The following SLC30A8 variants were observed in gnomAD, a reference collection of about 807,000 sequenced individuals.
SLC30A8 encodes solute carrier family 30 member 8, also known as proton-coupled zinc antiporter SLC30A8.
SLC30A8 carries 27 observed loss-of-function variants against 36.9 expected under a neutral mutation model. The observed-to-expected ratio is 0.73, with a 90% CI of 0.54 to 1.01. SLC30A8 has a LOEUF of 1.01. Among genes scored for constraint, SLC30A8 ranks in the 50% least tolerant of loss-of-function variants. SLC30A8 has a pLI of 0.00. For synonymous variants in SLC30A8, 164 were observed against 172.4 expected (o/e 0.95, Z 0.38); for missense variants, 439 against 452.0 (o/e 0.97, Z 0.26).
intron 1 of SLC30A8, among the ~76,000 whole-genome samples, chr8:116,995,791 A>G (rs1815794562): frequency 6.6e-6 from 1 of 152,084 alleles, no homozygotes; most frequent in Non-Finnish European, 1.5e-5. Flanking sequence ...AAAAGCAGAT[A>G]AGCTGTAAGT....
At chr8:116,981,280 C>T (rs1815250625) in intron 1 of SLC30A8, among the ~76,000 whole-genome samples, 1 of 152,180 alleles carries the variant, frequency 6.6e-6, no homozygotes, top group South Asian at 2.1e-4. Context: ...CAGGTGGAAG[C>T]TACATGACTT....
At chr8:117,137,006 C>T (rs1247163994) in intron 1 of SLC30A8, among the ~76,000 whole-genome samples, 1 of 151,982 alleles carries the variant, frequency 6.6e-6, no homozygotes, top group Non-Finnish European at 1.5e-5. Context: ...AGAACAAATG[C>T]CTTTCTTGAG....
intron 6 of SLC30A8, among the ~76,000 whole-genome samples, chr8:117,165,681 G>A (rs1823021069): frequency 6.6e-6 from 1 of 152,186 alleles, no homozygotes; most frequent in African/African-American, 2.4e-5. Context: ...TAAATAACCA[G>A]AGGAGATTTG....
chr8:117,019,428 A>G (rs934133120), intron 1 of SLC30A8, among the ~76,000 whole-genome samples: 2 of 152,204 alleles, frequency 1.3e-5, no homozygotes, highest in African/African-American at 4.8e-5. Flanking sequence ...AATTTCACAC[A>G]TTGATTCTAC....
intron 2 of SLC30A8, among the ~76,000 whole-genome samples, chr8:117,090,438 A>G (rs1819067445): frequency 6.6e-6 from 1 of 152,198 alleles, no homozygotes; most frequent in Non-Finnish European, 1.5e-5. Context: ...TGGGTAACAT[A>G]AACAAAAGAA....
chr8:117,027,081 G>A (rs905106463), intron 1 of SLC30A8, among the ~76,000 whole-genome samples: 40 of 152,170 alleles, frequency 2.6e-4, no homozygotes, highest in African/African-American at 9.2e-4. Flanking sequence ...CACTCATAGT[G>A]GTTACTGAGA....
chr8:117,048,111 T>A (rs1457247860), intron 2 of SLC30A8, among the ~76,000 whole-genome samples: 2 of 152,242 alleles, frequency 1.3e-5, no homozygotes, highest in African/African-American at 4.8e-5. Flanking sequence ...TTCCTATATT[T>A]GGTTTCACTT....
At chr8:117,144,673 G>A (rs1821816892) in intron 1 of SLC30A8, among the ~76,000 whole-genome samples, 4 of 152,094 alleles carry the variant, frequency 2.6e-5, no homozygotes, top group Admixed American at 2.6e-4. Flanking sequence ...TATAAATGGA[G>A]AAAATATTAA....
chr8:117,158,173 A>G (rs887398385), intron 4 of SLC30A8, among the ~76,000 whole-genome samples: 1 of 152,186 alleles, frequency 6.6e-6, no homozygotes, highest in African/African-American at 2.4e-5. Flanking sequence ...GGTTAAATAC[A>G]CTGCCAGTTA....
intron 1 of SLC30A8, among the ~76,000 whole-genome samples, chr8:116,988,588 T>C (rs1393725515): frequency 6.6e-6 from 1 of 152,230 alleles, no homozygotes. Flanking sequence ...TTTGCCTTTA[T>C]ATTAATCCTT....
Position 117,152,876 on chromosome 8 carries a change from G to A in SLC30A8, c.272-68G>A, listed in dbSNP as rs1484092868. The A allele has an allele frequency of 6.2e-6, 8 of 1,288,922 alleles. No individual in the cohort carries two copies. The Admixed American group carries it at 1.7e-4, about 27-fold the overall frequency. The allele number at this position is 1,288,922 out of a possible 1,614,324, so 79.8% of individuals were successfully genotyped here. A position where few individuals can be genotyped will look rare whatever the true frequency, so the allele number is the denominator to read the frequency against. On this transcript the variant is annotated intron_variant, in intron 2 of 7. Coordinates refer to ENST00000456015, the MANE Select transcript of SLC30A8 (RefSeq NM_173851.3). ...GTCTGTGGCATTTTCACCCATGATG[G>A]TTAGCATGTCTGTGAATCTAGCTGC...
At chr8:116,956,713 A>G (rs1453556464) in intron 1 of SLC30A8, among the ~76,000 whole-genome samples, 1 of 152,230 alleles carries the variant, frequency 6.6e-6, no homozygotes, top group Non-Finnish European at 1.5e-5. Context: ...AAATCAATGA[A>G]ATGCCAACTT....
At position 117,173,132 on chromosome 8, in the gene SLC30A8, CTCTG is replaced by C. The variant is rs1823479323; in HGVS notation, c.*453_*456del. 1.2e-5 allele frequency: 2 copies of C among 161,586 alleles called. No homozygotes were observed. The highest frequency in any genetic ancestry group is 1.8e-4 in the East Asian group (1 of 5,432). 10.0% of individuals were successfully genotyped at this position (161,586 alleles called of 1,614,324 possible). ...AGAGCCAAGTCAGGAATAAAAGTGA[CTCTG>C]TATGCTAACGCCACATTAGAACTTG... is the stretch of plus-strand genomic sequence containing the variant. On this transcript the variant is annotated 3_prime_UTR_variant, in exon 8 of 8. Coordinates refer to ENST00000456015, the MANE Select transcript of SLC30A8 (RefSeq NM_173851.3).
intron 2 of SLC30A8, among the ~76,000 whole-genome samples, chr8:117,120,266 G>A (rs1820636086): frequency 6.6e-6 from 1 of 151,926 alleles, no homozygotes; most frequent in African/African-American, 2.4e-5. Flanking sequence ...CATAAAGACA[G>A]ATATACAGAC....
At chr8:117,092,900 G>T (rs898273972) in intron 2 of SLC30A8, among the ~76,000 whole-genome samples, 1 of 152,176 alleles carries the variant, frequency 6.6e-6, no homozygotes, top group African/African-American at 2.4e-5. Flanking sequence ...TTCACAGGCT[G>T]CATGACTTAT....
intron 1 of SLC30A8, among the ~76,000 whole-genome samples, chr8:116,972,438 T>C (rs1814823260): frequency 6.6e-6 from 1 of 152,188 alleles, no homozygotes; most frequent in Non-Finnish European, 1.5e-5. Flanking sequence ...GACTGCTGTT[T>C]TTGACTTGGG....
intron 1 of SLC30A8, among the ~76,000 whole-genome samples, chr8:117,015,209 C>T (rs1033882817): frequency 1.3e-5 from 2 of 151,968 alleles, no homozygotes; most frequent in Admixed American, 1.3e-4. Context: ...ATCTGACTTT[C>T]TTTATATGTT....
intron 6 of SLC30A8, among the ~76,000 whole-genome samples, chr8:117,164,631 A>G (rs1425628748): frequency 6.6e-6 from 1 of 152,128 alleles, no homozygotes; most frequent in African/African-American, 2.4e-5. Context: ...CTTTAATAAG[A>G]GGAGAAAGAG....
intron 1 of SLC30A8, among the ~76,000 whole-genome samples, chr8:116,985,601 A>G (rs1815417752): frequency 6.6e-6 from 1 of 152,194 alleles, no homozygotes; most frequent in African/African-American, 2.4e-5. Flanking sequence ...ATGATTTTAC[A>G]ATTATTAAAT....
Sources: allele counts gnomAD v4.1 joint callset (sites outside exome capture counted in the v4.1 genomes callset), GRCh38; gene constraint gnomAD v4.1.1; transcripts MANE v1.5; gene names NCBI Gene and HGNC (gene_info 2026-07-23, HGNC 2026-07-21).